The following ENPP1 variants were observed in gnomAD, a reference collection of about 807,000 sequenced individuals.
ENPP1 encodes the protein ectonucleotide pyrophosphatase/phosphodiesterase family member 1.
A neutral mutation model predicts 122.8 loss-of-function variants in ENPP1; 73 were observed. That is an observed-to-expected ratio of 0.59 (90% CI 0.49 to 0.72). The LOEUF (loss-of-function observed/expected upper bound fraction) is 0.72. Ranked by LOEUF, ENPP1 falls within the 30% of genes least tolerant of loss-of-function variation. ENPP1 has a pLI of 0.00. For missense variants in ENPP1, 978 were observed against 1,128.1 expected (o/e 0.87, Z 1.91); for synonymous variants, 367 against 391.6 (o/e 0.94, Z 0.74).
chr6:131,883,542 T>G lies in ENPP1; in HGVS notation c.2231-152T>G, dbSNP rs1170896440. On this transcript the variant is annotated intron_variant, in intron 21 of 24. Coordinates refer to ENST00000647893, the MANE Select transcript of ENPP1 (RefSeq NM_006208.3). ...TTGTAAAGGACTTGACCAAACACAT[T>G]ACATTTTCCCTTGACCCTGTACTTG... The G allele has an allele frequency of 7.5e-6, 4 of 534,376 alleles. No individual in the cohort carries two copies. The African/African-American group carries it at 7.7e-5, about 10-fold the overall frequency. The allele number at this position is 534,376 out of a possible 1,614,324, so 33.1% of individuals were successfully genotyped here.
chr6:131,882,350 T>C lies in ENPP1; in HGVS notation c.2106T>C (p.Ser702=), dbSNP rs7750837. 4,323 of 1,600,810 alleles carry C rather than the reference T, an allele frequency of 2.7e-3. 100 individuals carry two copies. In the African/African-American group the frequency reaches 0.045, roughly 17 times the overall value. ...WTSYTVDRND[S]FSTEDFSNCL... ...TTCTCATTTTCGTTCTTCAGGACAG[T>C]TTCTCTACGGAAGACTTCTCCAACT... The change falls in exon 21 of 25, where the codon AGT becomes AGC. Residue 702 remains serine (S), a synonymous_variant. Transcript: ENST00000647893.
chr6:131,860,379 T>C lies in ENPP1; in HGVS notation c.796-8T>C, dbSNP rs1782005732. On this transcript the variant is annotated splice_polypyrimidine_tract_variant and splice_region_variant and intron_variant, in intron 7 of 24. Transcript: ENST00000647893. ...CAACTTGCATATAATCTGTTTTATCTTTTTTAGGGATTGTATCCAGAATCT... is the reference window on the plus strand; with the variant it reads ...CAACTTGCATATAATCTGTTTTATCCTTTTTAGGGATTGTATCCAGAATCT... 1.9e-6 allele frequency: 3 copies of C among 1,590,344 alleles called. No homozygotes were observed. Among genetic ancestry groups the C allele is most frequent in the East Asian group, 4.5e-5 (2 of 44,570 alleles).
chr6:131,882,992 G>T (rs1782332125), intron 21 of ENPP1, among the ~76,000 whole-genome samples: 1 of 152,202 alleles, frequency 6.6e-6, no homozygotes, highest in East Asian at 1.9e-4. Flanking sequence ...AGTAGGTAAA[G>T]GTAGAGGCTT....
intron 9 of ENPP1, among the ~76,000 whole-genome samples, chr6:131,862,990 C>T (rs1782043300): frequency 6.6e-6 from 1 of 151,998 alleles, no homozygotes; most frequent in South Asian, 2.1e-4. Flanking sequence ...AAATTCCTTC[C>T]CAAGGTTATT....
chr6:131,851,852 G>T (rs1781886190), intron 4 of ENPP1, among the ~76,000 whole-genome samples: 1 of 152,096 alleles, frequency 6.6e-6, no homozygotes, highest in Admixed American at 6.5e-5. Flanking sequence ...TTGATGAGTG[G>T]ATAGAAGGGG....
chr6:131,832,069 A>G (rs1781621181), intron 1 of ENPP1, among the ~76,000 whole-genome samples: 2 of 151,990 alleles, frequency 1.3e-5, no homozygotes, highest in Non-Finnish European at 1.5e-5. Flanking sequence ...GCCACTTGGC[A>G]GTTAATTTCT....
intron 20 of ENPP1, among the ~76,000 whole-genome samples, chr6:131,881,768 A>G (rs540637812): frequency 1.3e-5 from 2 of 152,184 alleles, no homozygotes; most frequent in East Asian, 1.9e-4. Flanking sequence ...CTGTAATCCC[A>G]GCACTTTGAG....
chr6:131,828,617 G>A (rs1456070115), intron 1 of ENPP1, among the ~76,000 whole-genome samples: 1 of 152,160 alleles, frequency 6.6e-6, no homozygotes, highest in Non-Finnish European at 1.5e-5. Flanking sequence ...CAGGGTCAAT[G>A]ATGGATGAGG....
intron 21 of ENPP1, 104 bp downstream of exon 21, chr6:131,882,578 T>C (rs1411026516): frequency 7.8e-6 from 2 of 257,876 alleles, no homozygotes; most frequent in Admixed American, 1.2e-4. Context: ...TTACCTATTA[T>C]ATATATATAA....
At chr6:131,847,992 G>C (rs373083074) in intron 2 of ENPP1, 144 bp downstream of exon 2, 2 of 637,462 alleles carry the variant, frequency 3.1e-6, no homozygotes. Context: ...ACGCTGGCTT[G>C]AGCCTTTTTC....
chr6:131,831,965 T>G (rs752223220), intron 1 of ENPP1, among the ~76,000 whole-genome samples: 11 of 152,208 alleles, frequency 7.2e-5, no homozygotes, highest in South Asian at 4.1e-4. Context: ...TATTCAGTCT[T>G]TTTCAGTATG....
At chr6:131,823,518 A>C (rs1244126875) in intron 1 of ENPP1, among the ~76,000 whole-genome samples, 1 of 152,136 alleles carries the variant, frequency 6.6e-6, no homozygotes, top group Non-Finnish European at 1.5e-5. Context: ...GCCTTCTATG[A>C]CATTCAGCTC....
chr6:131,857,168 G>A (rs1781958025), intron 6 of ENPP1, among the ~76,000 whole-genome samples: 1 of 151,258 alleles, frequency 6.6e-6, no homozygotes, highest in Admixed American at 6.6e-5. Flanking sequence ...TGGAGAGGAT[G>A]TGGAGAAATA....
intron 1 of ENPP1, among the ~76,000 whole-genome samples, chr6:131,809,966 T>G (rs1007987430): frequency 4.6e-5 from 7 of 152,208 alleles, no homozygotes; most frequent in Non-Finnish European, 8.8e-5. Context: ...ATTATGGACC[T>G]TTTTTATCCA....
rs1270609853 is a variant in ENPP1 at position 131,891,348 on chromosome 6, G to A, written c.*837G>A. 2 of 152,162 alleles carry A rather than the reference G, an allele frequency of 1.3e-5. No individual in the cohort carries two copies. The highest frequency in any genetic ancestry group is 4.8e-5 in the African/African-American group (2 of 41,426). The allele number at this position is 152,162 out of a possible 1,614,324, so 9.4% of individuals were successfully genotyped here. A position where few individuals can be genotyped will look rare whatever the true frequency, so the allele number is the denominator to read the frequency against. Reference sequence around the variant, plus strand: ...GAGCACCAGTCAGTGCATGCAAGGTGCCATTTTTTATTGAGATGCTTAGAA... The same window carrying A: ...GAGCACCAGTCAGTGCATGCAAGGTACCATTTTTTATTGAGATGCTTAGAA... On this transcript the variant is annotated 3_prime_UTR_variant, in exon 25 of 25. Transcript: ENST00000647893.
intron 16 of ENPP1, among the ~76,000 whole-genome samples, chr6:131,875,330 G>A (rs1455244171): frequency 1.3e-5 from 2 of 151,984 alleles, no homozygotes; most frequent in Admixed American, 6.6e-5. Context: ...TTGCTTTACA[G>A]TTGAAGAAAA....
Position 131,855,049 on chromosome 6 carries a change from G to A in ENPP1, c.715+26G>A, listed in dbSNP as rs750147184. Reference sequence around the variant, plus strand: ...GTGAGTAACTTCAGAGTTTACTGCTGGAATATCACCATTTCAGTGAGATTG... The same window carrying A: ...GTGAGTAACTTCAGAGTTTACTGCTAGAATATCACCATTTCAGTGAGATTG... On this transcript the variant is annotated intron_variant, in intron 6 of 24. Transcript: ENST00000647893. 2.8e-6 allele frequency: 4 copies of A among 1,418,708 alleles called. No homozygotes were observed. The South Asian group carries it at 3.4e-5, about 12-fold the overall frequency. 87.9% of individuals were successfully genotyped at this position (1,418,708 alleles called of 1,614,324 possible). A position where few individuals can be genotyped will look rare whatever the true frequency, so the allele number is the denominator to read the frequency against.
At chr6:131,842,884 G>GA (rs869126845) in intron 1 of ENPP1, among the ~76,000 whole-genome samples, 1 of 151,932 alleles carries the variant, frequency 6.6e-6, no homozygotes, top group Non-Finnish European at 1.5e-5. Context: ...ATTGGTGAGG[G>GA]AAAAAAATTT....
chr6:131,890,541 C>T lies in ENPP1; in HGVS notation c.*30C>T. On this transcript the variant is annotated 3_prime_UTR_variant, in exon 25 of 25. Coordinates refer to ENST00000647893, the MANE Select transcript of ENPP1 (RefSeq NM_006208.3). ...TTTTTTATCCCCAAACACCATGAAT[C>T]TTTTTGAGAGAACCTTATATTTTAT... is the stretch of plus-strand genomic sequence containing the variant. 1 of 1,570,026 alleles carries T rather than the reference C, an allele frequency of 6.4e-7. No homozygotes were observed. Among genetic ancestry groups the T allele is most frequent in the Non-Finnish European group, 8.8e-7 (1 of 1,139,792 alleles).
Sources: allele counts gnomAD v4.1 joint callset (sites outside exome capture counted in the v4.1 genomes callset), GRCh38; gene constraint gnomAD v4.1.1; transcripts MANE v1.5; gene names NCBI Gene and HGNC (gene_info 2026-07-23, HGNC 2026-07-21).